Variants in ADK observed in about 807,000 individuals in gnomAD.
ADK encodes N6,N6-dimethyladenosine kinase.
A neutral mutation model predicts 44.7 loss-of-function variants in ADK; 24 were observed. The ratio of observed to expected loss-of-function variants is 0.54; its 90% CI spans 0.39 to 0.76. ADK has a LOEUF of 0.76. ADK is among the 30% of genes least tolerant of loss of function. The pLI is 0.00. For synonymous variants in ADK, 128 were observed against 142.6 expected, an observed-to-expected ratio of 0.90 and a Z score of 0.73; for missense variants, 321 against 425.1, an observed-to-expected ratio of 0.76 and a Z score of 2.15.
intron 3 of ADK, among the ~76,000 whole-genome samples, chr10:74,228,074 A>G (rs1375666283): frequency 1.3e-5 from 2 of 152,202 alleles, no homozygotes; most frequent in African/African-American, 4.8e-5. Flanking sequence ...CTTGATATTA[A>G]TGAATATTAA....
At chr10:74,247,224 GTT>G (rs142274121) in intron 3 of ADK, among the ~76,000 whole-genome samples, 1,497 of 71,906 alleles carry the variant, frequency 0.021, 11 homozygotes, top group African/African-American at 0.085. Context: ...TTTTTTTTAA[GTT>G]TTTTTTTTTT....
chr10:74,507,474 G>T (rs544587372), intron 6 of ADK, among the ~76,000 whole-genome samples: 1 of 151,906 alleles, frequency 6.6e-6, no homozygotes, highest in Non-Finnish European at 1.5e-5. Flanking sequence ...TTAACCAGGT[G>T]TGGTGGTGCA....
chr10:74,224,442 T>C, intron 2 of ADK, 96 bp from the exon 3 acceptor site: 1 of 910,986 alleles, frequency 1.1e-6, no homozygotes, highest in South Asian at 1.4e-5. Flanking sequence ...GTCAGAGACC[T>C]ATAACAGTGT....
chr10:74,644,595 G>A (rs559383730), intron 9 of ADK, among the ~76,000 whole-genome samples: 4 of 152,316 alleles, frequency 2.6e-5, no homozygotes, highest in Non-Finnish European at 5.9e-5. Context: ...GTTCAGGGAT[G>A]CAATCATAGA....
At chr10:74,543,706 A>G (rs1398702416) in intron 7 of ADK, among the ~76,000 whole-genome samples, 1 of 152,230 alleles carries the variant, frequency 6.6e-6, no homozygotes, top group African/African-American at 2.4e-5. Flanking sequence ...AAGCATTGCT[A>G]TCAAATGGAA....
chr10:74,427,576 TG>T (rs1244046837), intron 6 of ADK, among the ~76,000 whole-genome samples: 1 of 152,108 alleles, frequency 6.6e-6, no homozygotes, highest in African/African-American at 2.4e-5. Flanking sequence ...TTTCTCACTA[TG>T]GAAGAAGGGA....
intron 9 of ADK, among the ~76,000 whole-genome samples, chr10:74,622,650 G>A (rs533727934): frequency 1.5e-4 from 23 of 152,174 alleles, no homozygotes; most frequent in African/African-American, 5.5e-4. Flanking sequence ...ACCGCACTTT[G>A]GGAACTGCTG....
intron 9 of ADK, among the ~76,000 whole-genome samples, chr10:74,651,136 G>T (rs1264393482): frequency 2.6e-5 from 4 of 152,254 alleles, no homozygotes; most frequent in Non-Finnish European, 5.9e-5. Flanking sequence ...TTTAGAACCA[G>T]TTCTAAATTG....
intron 6 of ADK, among the ~76,000 whole-genome samples, chr10:74,462,619 T>C (rs1846211621): frequency 1.3e-5 from 2 of 152,302 alleles, no homozygotes; most frequent in South Asian, 4.1e-4. Flanking sequence ...AATCATCAGC[T>C]TCAAAATGAA....
At chr10:74,176,955 C>A in intron 1 of ADK, 1 of 1,590,160 alleles carries the variant, frequency 6.3e-7, no homozygotes, top group South Asian at 1.1e-5. Context: ...TGAGCACTGT[C>A]GCTCCTTCTC....
intron 7 of ADK, among the ~76,000 whole-genome samples, chr10:74,549,842 T>A (rs1554879736): frequency 6.6e-6 from 1 of 152,208 alleles, no homozygotes; most frequent in Non-Finnish European, 1.5e-5. Context: ...ACATGTTGAT[T>A]CATTGAAATT....
chr10:74,409,276 A>G (rs553802773), intron 6 of ADK, among the ~76,000 whole-genome samples: 1 of 152,216 alleles, frequency 6.6e-6, no homozygotes, highest in Non-Finnish European at 1.5e-5. Context: ...TGAAGAACTA[A>G]TCACCATGCA....
intron 6 of ADK, among the ~76,000 whole-genome samples, chr10:74,428,804 G>T (rs547581750): frequency 7.2e-5 from 11 of 152,192 alleles, no homozygotes; most frequent in Admixed American, 2.6e-4. Flanking sequence ...ATGCAGTGGA[G>T]AAATCAGACA....
intron 7 of ADK, among the ~76,000 whole-genome samples, chr10:74,581,669 A>T (rs1851378311): frequency 6.6e-6 from 1 of 152,148 alleles, no homozygotes. Context: ...TAAAGTAGCT[A>T]GGTTTCTAAA....
At chr10:74,665,288 A>G (rs1049759783) in intron 9 of ADK, among the ~76,000 whole-genome samples, 2 of 152,234 alleles carry the variant, frequency 1.3e-5, no homozygotes, top group African/African-American at 4.8e-5. Flanking sequence ...TTACCTTATT[A>G]TAAGCAATGG....
At chr10:74,276,244 A>G (rs951750043) in intron 3 of ADK, among the ~76,000 whole-genome samples, 2 of 152,118 alleles carry the variant, frequency 1.3e-5, no homozygotes, top group African/African-American at 4.8e-5. Flanking sequence ...AACCCAACCT[A>G]TCCTTCCCCT....
At chr10:74,183,866 TTTTTTAC>T (rs1842649442) in intron 1 of ADK, among the ~76,000 whole-genome samples, 1 of 152,144 alleles carries the variant, frequency 6.6e-6, no homozygotes, top group Non-Finnish European at 1.5e-5. Flanking sequence ...AACATTTTTA[TTTTTTAC>T]TTTTTACTTT....
intron 9 of ADK, among the ~76,000 whole-genome samples, chr10:74,611,231 A>G (rs1277644385): frequency 1.3e-5 from 2 of 151,986 alleles, no homozygotes; most frequent in East Asian, 1.9e-4. Context: ...GGATTTTGCC[A>G]TATTGCCCAT....
rs148245174 is a variant in ADK, at chr10:74,562,250, G to A, written c.727-27032G>A. 4.4e-3 allele frequency among the ~76,000 whole-genome samples: 677 copies of A among 152,186 alleles called. 7 individuals are homozygous for A. The highest frequency in any genetic ancestry group is 0.031 in the Middle Eastern group (9 of 294). On this transcript the variant is annotated intron_variant, in intron 7 of 10. Transcript: ENST00000539909. ...ACCCACTGCCTAACACATAGTAGAT[G>A]CTTAATAAATGCCTTTTAAATAAAT...
Sources: allele counts gnomAD v4.1 joint callset (sites outside exome capture counted in the v4.1 genomes callset), GRCh38; gene constraint gnomAD v4.1.1; transcripts MANE v1.5; gene names NCBI Gene and HGNC (gene_info 2026-07-23, HGNC 2026-07-21).